Variants in SLC38A10 observed in about 807,000 individuals in gnomAD.
The protein encoded by SLC38A10 is Sodium-coupled neutral amino acid transporter 10.
In SLC38A10, 53 loss-of-function variants were observed where a neutral mutation model predicts 81.0. That is an observed-to-expected ratio of 0.65 (90% CI 0.53 to 0.82). The LOEUF (loss-of-function observed/expected upper bound fraction) is 0.82. Ranked by LOEUF, SLC38A10 falls within the 40% of genes least tolerant of loss-of-function variation. SLC38A10 has a pLI of 0.00. For synonymous variants in SLC38A10, 665 were observed against 655.3 expected, an observed-to-expected ratio of 1.01 and a Z score of -0.23; for missense variants, 1,471 against 1,545.0, an observed-to-expected ratio of 0.95 and a Z score of 0.80.
intron 11 of SLC38A10, among the ~76,000 whole-genome samples, chr17:81,258,063 G>A (rs150951199): frequency 6.6e-6 from 1 of 152,356 alleles, no homozygotes; most frequent in East Asian, 1.9e-4. Flanking sequence ...AAAGGCCTGT[G>A]AAGCCGTGCA....
Position 81,245,193 on chromosome 17 carries a change from C to CA in SLC38A10, c.*362_*363insT. On this transcript the variant is annotated 3_prime_UTR_variant, in exon 16 of 16. Transcript: ENST00000374759. Reference sequence around the variant, plus strand: ...GGCCGAGCTCAACCCGAAGACCACGCGTGCTCCCTGGCAGGAGCAGGAGGC... The same window carrying CA: ...GGCCGAGCTCAACCCGAAGACCACGCAGTGCTCCCTGGCAGGAGCAGGAGGC... The CA allele has an allele frequency of 4.0e-6, 1 of 247,222 alleles. No homozygotes were observed. The highest frequency in any genetic ancestry group is 7.8e-6 in the Non-Finnish European group (1 of 127,956). 15.3% of individuals were successfully genotyped at this position (247,222 alleles called of 1,614,324 possible).
At chr17:81,252,054 G>C in intron 13 of SLC38A10, 141 bp downstream of exon 13, 1 of 1,241,084 alleles carries the variant, frequency 8.1e-7, no homozygotes, top group Non-Finnish European at 1.1e-6. Context: ...AGCTGCCGGG[G>C]CCCGCTCCAT....
rs766103730 is a variant in SLC38A10 at position 81,280,626 on chromosome 17, C to A, written c.609G>T (p.Met203Ile). 2.5e-6 allele frequency: 4 copies of A among 1,612,282 alleles called. No individual in the cohort carries two copies. Among genetic ancestry groups the A allele is most frequent in the Non-Finnish European group, 3.4e-6 (4 of 1,179,492 alleles). Residue 203 changes from methionine to isoleucine, a missense_variant, in exon 6 of 16, where the codon ATG (methionine) becomes ATT (isoleucine). Met to Ile is a conservative substitution (Grantham distance 10). Coordinates refer to ENST00000374759, the MANE Select transcript of SLC38A10 (RefSeq NM_001037984.3). ...ACACTTACGACTGGCAGGCGAAGGACATGCCGAAGATGGGGATGCAGCGGA... is the reference window on the plus strand; with the variant it reads ...ACACTTACGACTGGCAGGCGAAGGAAATGCCGAAGATGGGGATGCAGCGGA... ...GVFRCIPIFG[M>I]SFACQSQVLP...
intron 11 of SLC38A10, among the ~76,000 whole-genome samples, chr17:81,254,939 C>T (rs2062958409): frequency 6.6e-6 from 1 of 152,224 alleles, no homozygotes; most frequent in African/African-American, 2.4e-5. Context: ...TATAGCAAAA[C>T]AAAGGAAATC....
chr17:81,260,658 T>C (rs1178699109), intron 10 of SLC38A10, among the ~76,000 whole-genome samples: 1 of 152,232 alleles, frequency 6.6e-6, no homozygotes, highest in African/African-American at 2.4e-5. Context: ...TGCCAGAGCA[T>C]GGCAGGACTC....
In SLC38A10 at chr17:81,245,691, G is replaced by C; in HGVS notation, c.3225C>G (p.Asn1075Lys). The C allele has an allele frequency of 1.3e-6, 2 of 1,589,112 alleles. No homozygotes were observed. Among genetic ancestry groups the C allele is most frequent in the Non-Finnish European group, 8.6e-7 (1 of 1,167,368 alleles). Residue 1075 changes from asparagine to lysine, a missense_variant, in exon 16 of 16, where the codon AAC (asparagine) becomes AAG (lysine). By Grantham distance (94) the Asn-to-Lys change is moderately conservative. Coordinates refer to ENST00000374759, the MANE Select transcript of SLC38A10 (RefSeq NM_001037984.3). ...APRDGVIIGL[N>K]PLPDVQVNDL... ...CGTTCACCTGGACATCAGGCAGGGG[G>C]TTAAGGCCAATGATGACCCCATCCC...
At chr17:81,255,466 G>A (rs932701344) in intron 11 of SLC38A10, among the ~76,000 whole-genome samples, 3 of 152,232 alleles carry the variant, frequency 2.0e-5, no homozygotes, top group Non-Finnish European at 2.9e-5. Flanking sequence ...CACAGGTTGC[G>A]CAAAGACAGA....
In SLC38A10 at chr17:81,289,890, G is replaced by A. The variant is rs535718696; in HGVS notation, c.100-82C>T. The A allele has an allele frequency of 1.8e-4, 216 of 1,171,240 alleles. No individual in the cohort carries two copies. The African/African-American group carries it at 2.3e-3, about 13-fold the overall frequency. 72.6% of individuals were successfully genotyped at this position (1,171,240 alleles called of 1,614,324 possible). On this transcript the variant is annotated intron_variant, in intron 1 of 15. Coordinates refer to ENST00000374759, the MANE Select transcript of SLC38A10 (RefSeq NM_001037984.3). The surrounding 1 kb of genome is among the most constrained non-coding windows in gnomAD (Gnocchi z 5.9). ...TCACCCCACACACGCGGCTCATGAG[G>A]ACCCTCTTCACCCCCAGGCCCCGCT...
chr17:81,256,166 A>G (rs976221285), intron 11 of SLC38A10, among the ~76,000 whole-genome samples: 2 of 152,254 alleles, frequency 1.3e-5, no homozygotes, highest in African/African-American at 4.8e-5. Flanking sequence ...GCCACAACTC[A>G]GCCACGGCGG....
In SLC38A10 at chr17:81,252,580, G is replaced by A. The variant is rs144082433; in HGVS notation, c.1560C>T (p.Asn520=). Residue 520 remains asparagine (N), a synonymous_variant, in exon 13 of 16, where the codon AAC becomes AAT. Coordinates refer to ENST00000374759, the MANE Select transcript of SLC38A10 (RefSeq NM_001037984.3). ...CGCCCGCGTGTCTGGATGGAGGTTTGTTCTCTTCTGGCACCTCTCGGTCTT... is the reference window on the plus strand; with the variant it reads ...CGCCCGCGTGTCTGGATGGAGGTTTATTCTCTTCTGGCACCTCTCGGTCTT... ...EGQDREVPEE[N]KPPSRHAGGK... The A allele has an allele frequency of 8.7e-6, 14 of 1,613,466 alleles. No homozygotes were observed. Among genetic ancestry groups the A allele is most frequent in the Non-Finnish European group, 1.2e-5 (14 of 1,180,048 alleles).
At chr17:81,291,597 G>A (rs1420324280) in intron 1 of SLC38A10, among the ~76,000 whole-genome samples, 2 of 152,102 alleles carry the variant, frequency 1.3e-5, no homozygotes, top group African/African-American at 2.4e-5. Context: ...TGCTACCGGG[G>A]ATGCGGGCCG....
chr17:81,253,177 C>T lies in SLC38A10; in HGVS notation c.1352G>A (p.Arg451Lys). 1 of 1,613,954 alleles carries T rather than the reference C, an allele frequency of 6.2e-7. No individual in the cohort carries two copies. The highest frequency in any genetic ancestry group is 8.5e-7 in the Non-Finnish European group (1 of 1,180,036). ...GREKPKLPKEREELEQAQIKG... is the reference protein window; with the variant it reads ...GREKPKLPKEKEELEQAQIKG... ...GATCTGGGCCTGCTCCAGCTCCTCTCTCTCCTTCGGCAGCTTCGGCTTCTC... is the reference window on the plus strand; with the variant it reads ...GATCTGGGCCTGCTCCAGCTCCTCTTTCTCCTTCGGCAGCTTCGGCTTCTC... The change falls in exon 12 of 16, where the codon AGA becomes AAA. Residue 451 changes from arginine (R) to lysine (K), a missense_variant. Physicochemically the swap from Arg to Lys is conservative, Grantham distance 26 (BLOSUM62 2). Coordinates refer to ENST00000374759, the MANE Select transcript of SLC38A10 (RefSeq NM_001037984.3). This position sits in a 1 kb window ranked among gnomAD's most constrained non-coding sequence, Gnocchi z 4.1.
intron 6 of SLC38A10, chr17:81,280,270 C>A: frequency 2.2e-6 from 1 of 452,130 alleles, no homozygotes; most frequent in Middle Eastern, 3.4e-4. Context: ...ATTCTCAGAA[C>A]AGCTAAATTC....
At position 81,260,368 on chromosome 17, in the gene SLC38A10, G is replaced by A; in HGVS notation, c.1158C>T (p.Val386=). ...SQVVLWVGLG[V]LVVSTVTTLS... ...GTGTGGTGACAGTGCTCACCACCAG[G>A]ACGCCCAGGCCGACCCACAGCACCA... is the stretch of plus-strand genomic sequence containing the variant. Residue 386 remains valine (V), a synonymous_variant, in exon 11 of 16, where the codon GTC becomes GTT. Transcript: ENST00000374759. The A allele has an allele frequency of 1.2e-6, 2 of 1,611,514 alleles. No homozygotes were observed. The highest frequency in any genetic ancestry group is 1.7e-6 in the Non-Finnish European group (2 of 1,179,412).
rs1233365828 is a variant in SLC38A10 at position 81,252,371 on chromosome 17, T to C, written c.1769A>G (p.Gln590Arg). Reference sequence around the variant, plus strand: ...TGGCCCCAGGTCCTCCTTTGCAGGCTGGACAGCTGGCTGACCATCTGCTTC... The same window carrying C: ...TGGCCCCAGGTCCTCCTTTGCAGGCCGGACAGCTGGCTGACCATCTGCTTC... ...VPEADGQPAV[Q>R]PAKEDLGPGD... The change falls in exon 13 of 16, where the codon CAG becomes CGG. Residue 590 changes from glutamine (Q) to arginine (R), a missense_variant. Transcript: ENST00000374759. 6.2e-7 allele frequency: 1 copy of C among 1,613,100 alleles called. No individual in the cohort carries two copies. Among genetic ancestry groups the C allele is most frequent in the African/African-American group, 1.3e-5 (1 of 74,952 alleles).
chr17:81,259,228 A>G (rs1214040688), intron 11 of SLC38A10, among the ~76,000 whole-genome samples: 2 of 152,066 alleles, frequency 1.3e-5, no homozygotes, highest in Non-Finnish European at 2.9e-5. Context: ...GGCGGAAGTC[A>G]CTGGCCAGCA....
At chr17:81,251,917 G>C in intron 13 of SLC38A10, 1 of 529,004 alleles carries the variant, frequency 1.9e-6, no homozygotes, top group South Asian at 4.2e-5. Context: ...GGCGCCCCCC[G>C]CGCCGCCCCC....
chr17:81,291,716 C>T (rs932179608), intron 1 of SLC38A10, among the ~76,000 whole-genome samples: 9 of 152,188 alleles, frequency 5.9e-5, no homozygotes, highest in Admixed American at 1.3e-4. Context: ...CCCCTGCCAA[C>T]GCCTGTCCAA....
chr17:81,272,837 G>C (rs150153695), intron 8 of SLC38A10, among the ~76,000 whole-genome samples: 1 of 152,192 alleles, frequency 6.6e-6, no homozygotes, highest in Non-Finnish European at 1.5e-5. Context: ...AGGAAGGCAC[G>C]AGGGCTTCTC....
Sources: gnomAD v4.1 joint callset for allele counts (sites outside exome capture counted in the v4.1 genomes callset) on GRCh38, gnomAD v4.1.1 for gene constraint, Gnocchi (gnomAD v3.1) non-coding constraint, MANE v1.5 for transcripts, NCBI Gene and HGNC (gene_info 2026-07-23, HGNC 2026-07-21) for gene names.